SPTBN2: variants seen among roughly 807,000 people sequenced by gnomAD.
SPTBN2 encodes the protein spectrin beta chain, non-erythrocytic 2.
A neutral mutation model predicts 284.2 loss-of-function variants in SPTBN2; 107 were observed. The ratio of observed to expected loss-of-function variants is 0.38; its 90% CI spans 0.32 to 0.44. The LOEUF (loss-of-function observed/expected upper bound fraction) is 0.44, where lower values mean the gene tolerates loss of function less well. Among genes scored for constraint, SPTBN2 ranks in the 20% least tolerant of loss-of-function variants. The pLI, the probability that SPTBN2 is intolerant of heterozygous loss-of-function variation, is 1.00. For synonymous variants in SPTBN2, 1,289 were observed against 1,354.8 expected (o/e 0.95, Z 1.07); for missense variants, 2,569 against 3,287.1 (o/e 0.78, Z 5.34).
At position 66,706,214 on chromosome 11, in the gene SPTBN2, C is replaced by T. The variant is rs529223747; in HGVS notation, c.1654-377G>A. Among the ~76,000 whole-genome samples, 7 of 152,366 alleles carry T rather than the reference C, an allele frequency of 4.6e-5. No individual in the cohort carries two copies. In the South Asian group the frequency reaches 6.2e-4, roughly 14 times the overall value. On this transcript the variant is annotated intron_variant, in intron 13 of 37. Coordinates refer to ENST00000533211, the MANE Select transcript of SPTBN2 (RefSeq NM_006946.4). ...CCTGGAAGATGGCAGCAACCTCTAACGGTCTCGCTGTCATGCTGCCTGCCC... is the reference window on the plus strand; with the variant it reads ...CCTGGAAGATGGCAGCAACCTCTAATGGTCTCGCTGTCATGCTGCCTGCCC...
chr11:66,724,538 A>AT (rs1267720974), intron 1 of SPTBN2, among the ~76,000 whole-genome samples: 1 of 152,042 alleles, frequency 6.6e-6, no homozygotes, highest in Non-Finnish European at 1.5e-5. Flanking sequence ...CCTGCCTCAT[A>AT]TTTTTGTACT....
At chr11:66,744,251 C>T (rs778444598) in intron 1 of SPTBN2, among the ~76,000 whole-genome samples, 1 of 152,204 alleles carries the variant, frequency 6.6e-6, no homozygotes, top group Non-Finnish European at 1.5e-5. Context: ...AAAAAATTCG[C>T]TGTCTATATG....
At chr11:66,711,365 T>C (rs1413622767) in intron 8 of SPTBN2, among the ~76,000 whole-genome samples, 1 of 152,222 alleles carries the variant, frequency 6.6e-6, no homozygotes, top group African/African-American at 2.4e-5. Flanking sequence ...GGATGGATCA[T>C]GGACTTTTAG....
At chr11:66,729,374 T>G (rs914849041), upstream of SPTBN2, 7 of 152,128 alleles carry the variant, frequency 4.6e-5, no homozygotes, top group Non-Finnish European at 7.3e-5. Flanking sequence ...CAGGGTGAGC[T>G]TTGTACAGAG....
In SPTBN2 at chr11:66,708,403, T is replaced by G; in HGVS notation, c.1192-104A>C. The stretch of plus-strand genomic sequence containing the variant: ...ATGGAAGCTCGGTCTGGTGGATCCG[T>G]GGAATGCAGTGGGTGAGACGCCTGG... On this transcript the variant is annotated intron_variant, in intron 11 of 37. Transcript: ENST00000533211. This position sits in a 1 kb window ranked among gnomAD's most constrained non-coding sequence, Gnocchi z 4.4. 8.5e-7 allele frequency: 1 copy of G among 1,172,394 alleles called. No homozygotes were observed. Among genetic ancestry groups the G allele is most frequent in the Non-Finnish European group, 1.2e-6 (1 of 851,810 alleles). 72.6% of individuals were successfully genotyped at this position (1,172,394 alleles called of 1,614,324 possible).
intron 36 of SPTBN2, 92 bp downstream of exon 36, chr11:66,686,902 A>G: frequency 6.4e-7 from 1 of 1,568,658 alleles, no homozygotes; most frequent in Non-Finnish European, 8.7e-7. Context: ...GGCTCCTTAC[A>G]GGAACTCCCC....
intron 1 of SPTBN2, among the ~76,000 whole-genome samples, chr11:66,723,759 A>T (rs924262231): frequency 6.6e-6 from 1 of 152,222 alleles, no homozygotes; most frequent in Non-Finnish European, 1.5e-5. Flanking sequence ...ATAAAAATAT[A>T]TTCTAGGGCA....
In SPTBN2 at chr11:66,710,767, C is replaced by T; in HGVS notation, c.888G>A (p.Val296=). 4 of 1,613,956 alleles carry T rather than the reference C, an allele frequency of 2.5e-6. No individual in the cohort carries two copies. Among genetic ancestry groups the T allele is most frequent in the Admixed American group, 3.3e-5 (2 of 60,036 alleles). Reference sequence around the variant, plus strand: ...GCTCTGCCTCCATGGCATGGTCCAGCACCTGGGAGGCAGAAGACAGGGACG... The same window carrying T: ...GCTCTGCCTCCATGGCATGGTCCAGTACCTGGGAGGCAGAAGACAGGGACG... The part of the protein sequence containing the change: ...LAVEGKRIGK[V]LDHAMEAERL... Residue 296 remains valine (V), a splice_region_variant and synonymous_variant, in exon 10 of 38, where the codon GTG becomes GTA. Coordinates refer to ENST00000533211, the MANE Select transcript of SPTBN2 (RefSeq NM_006946.4). The surrounding 1 kb of genome is among the most constrained non-coding windows in gnomAD (Gnocchi z 4.9).
chr11:66,704,530 C>T, intron 15 of SPTBN2, 68 bp downstream of exon 15: 1 of 1,547,548 alleles, frequency 6.5e-7, no homozygotes, highest in South Asian at 1.2e-5. Context: ...AGGGACTCAC[C>T]ACCCACATCC....
chr11:66,732,055 A>C (rs537617073), upstream of SPTBN2, among the ~76,000 whole-genome samples: 1 of 152,356 alleles, frequency 6.6e-6, no homozygotes, highest in Admixed American at 6.5e-5. Context: ...AGCATTAACC[A>C]GACAGAGTGG....
In SPTBN2 at chr11:66,687,823, C is replaced by T. The variant is rs376483472; in HGVS notation, c.6501+45G>A. 1.1e-4 allele frequency: 177 copies of T among 1,613,448 alleles called. No individual in the cohort carries two copies. The highest frequency in any genetic ancestry group is 9.9e-4 in the Middle Eastern group (6 of 6,056). On this transcript the variant is annotated intron_variant, in intron 34 of 37. Transcript: ENST00000533211. This position sits in a 1 kb window ranked among gnomAD's most constrained non-coding sequence, Gnocchi z 5.2. ...CCCGCACTCACCACCCCCTCTGGACCCTTCGCCTCACAGTTATCAACACCA... is the reference window on the plus strand; with the variant it reads ...CCCGCACTCACCACCCCCTCTGGACTCTTCGCCTCACAGTTATCAACACCA...
rs1456985458 is a variant in SPTBN2, at chr11:66,710,692, G to T, written c.963C>A (p.Ile321=). 1 of 1,614,064 alleles carries T rather than the reference G, an allele frequency of 6.2e-7. No homozygotes were observed. Among genetic ancestry groups the T allele is most frequent in the African/African-American group, 1.3e-5 (1 of 74,918 alleles). ...ESLASELLQW[I]EQTIVTLNDR... ...CATTGAGGGTCACGATCGTTTGCTC[G>T]ATCCACTGCAGCAGCTCCGAGGCCA... is the stretch of plus-strand genomic sequence containing the variant. The change falls in exon 10 of 38, where the codon ATC becomes ATA. Residue 321 remains isoleucine (I), a synonymous_variant. Transcript: ENST00000533211. The surrounding 1 kb of genome is among the most constrained non-coding windows in gnomAD (Gnocchi z 4.9).
chr11:66,697,545 T>G (rs1392545406), intron 20 of SPTBN2, among the ~76,000 whole-genome samples: 1 of 152,192 alleles, frequency 6.6e-6, no homozygotes, highest in Non-Finnish European at 1.5e-5. Context: ...AAACAGGCAC[T>G]GCCTACCACT....
At chr11:66,739,754 C>T (rs1942881133) in intron 1 of SPTBN2, among the ~76,000 whole-genome samples, 2 of 152,218 alleles carry the variant, frequency 1.3e-5, no homozygotes, top group Admixed American at 6.5e-5. Context: ...ATAGCCTGGG[C>T]GCAGTGGCTC....
intron 20 of SPTBN2, among the ~76,000 whole-genome samples, chr11:66,698,129 G>A (rs979794554): frequency 6.6e-6 from 1 of 152,196 alleles, no homozygotes; most frequent in Non-Finnish European, 1.5e-5. Flanking sequence ...ATAAGGATTG[G>A]CAGACTACAT....
Position 66,700,551 on chromosome 11 carries a change from TGAC to T in SPTBN2, c.3545_3547del (p.Arg1182del), listed in dbSNP as rs2085531151. The T allele has an allele frequency of 6.2e-7, 1 of 1,605,868 alleles. No homozygotes were observed. Among genetic ancestry groups the T allele is most frequent in the Non-Finnish European group, 8.5e-7 (1 of 1,179,990 alleles). On this transcript the variant is annotated inframe_deletion, in exon 17 of 38. Transcript: ENST00000533211. The surrounding 1 kb of genome is among the most constrained non-coding windows in gnomAD (Gnocchi z 6.6). ...CTGGCTGCTGAGCACGCCCTCAGCC[TGAC>T]GAGCATCCCGCAGGAATCCCTGGAA...
chr11:66,731,016 G>A (rs948657816), upstream of SPTBN2, among the ~76,000 whole-genome samples: 7 of 152,124 alleles, frequency 4.6e-5, no homozygotes, highest in Non-Finnish European at 1.0e-4. Context: ...ACATAGTTCT[G>A]CCACCCACTG....
chr11:66,725,782 A>C (rs1942598464), intron 1 of SPTBN2, among the ~76,000 whole-genome samples: 1 of 152,206 alleles, frequency 6.6e-6, no homozygotes, highest in Admixed American at 6.5e-5. Flanking sequence ...TGCTGGAGGC[A>C]GACTAGGCTC....
rs566209694 is a variant in SPTBN2, at chr11:66,710,458, T to C, written c.1073+124A>G. Reference sequence around the variant, plus strand: ...ATCAACTATGTTGTTTGGATGCTTCTGGTGTGGGAAATCTCCACTGCATTT... The same window carrying C: ...ATCAACTATGTTGTTTGGATGCTTCCGGTGTGGGAAATCTCCACTGCATTT... On this transcript the variant is annotated intron_variant, in intron 10 of 37. Coordinates refer to ENST00000533211, the MANE Select transcript of SPTBN2 (RefSeq NM_006946.4). The surrounding 1 kb of genome is among the most constrained non-coding windows in gnomAD (Gnocchi z 4.9). The C allele has an allele frequency of 7.4e-6, 7 of 950,264 alleles. 1 individual carries two copies. The South Asian group carries it at 7.5e-5, about 10-fold the overall frequency. 58.9% of individuals were successfully genotyped at this position (950,264 alleles called of 1,614,324 possible).
Sources: allele counts gnomAD v4.1 joint callset (sites outside exome capture counted in the v4.1 genomes callset), GRCh38; gene constraint gnomAD v4.1.1; non-coding constraint Gnocchi (gnomAD v3.1); transcripts MANE v1.5; gene names NCBI Gene and HGNC (gene_info 2026-07-23, HGNC 2026-07-21).